Variants in PTPRG observed in about 807,000 individuals in gnomAD.
PTPRG encodes the protein protein tyrosine phosphatase receptor type G, also known as receptor-type tyrosine-protein phosphatase gamma.
PTPRG carries 102 observed loss-of-function variants against 165.3 expected under a neutral mutation model. The ratio of observed to expected loss-of-function variants is 0.62; its 90% CI spans 0.53 to 0.73. The LOEUF is 0.73. PTPRG is among the 30% of genes least tolerant of loss of function. The pLI is 0.00. For synonymous variants in PTPRG, 675 were observed against 669.5 expected (o/e 1.01, Z -0.13); for missense variants, 1,866 against 1,861.4 (o/e 1.00, Z -0.05).
intron 2 of PTPRG, among the ~76,000 whole-genome samples, chr3:61,837,987 T>G (rs912696239): frequency 7.2e-5 from 11 of 152,220 alleles, no homozygotes; most frequent in African/African-American, 2.4e-4. Context: ...CCGACACTTT[T>G]GCCCACATTT....
intron 1 of PTPRG, among the ~76,000 whole-genome samples, chr3:61,694,023 A>AGAG (rs1559560197): frequency 2.1e-5 from 3 of 144,104 alleles, no homozygotes; most frequent in African/African-American, 8.2e-5. Flanking sequence ...AAAAAAAAAA[A>AGAG]AAAGAGAGAG....
chr3:61,746,231 TTTTTTG>T (rs1232358419), intron 1 of PTPRG, among the ~76,000 whole-genome samples: 14 of 72,846 alleles, frequency 1.9e-4, no homozygotes, highest in Admixed American at 5.5e-4. Flanking sequence ...TTTTTTTTTT[TTTTTTG>T]AGACAGAATC....
chr3:61,822,399 T>G (rs975437777), intron 2 of PTPRG, among the ~76,000 whole-genome samples: 5 of 152,234 alleles, frequency 3.3e-5, no homozygotes, highest in South Asian at 2.1e-4. Flanking sequence ...TAACTATTTC[T>G]TTAATGAGGA....
intron 2 of PTPRG, among the ~76,000 whole-genome samples, chr3:61,893,082 C>G (rs756958677): frequency 6.6e-6 from 1 of 152,152 alleles, no homozygotes; most frequent in Non-Finnish European, 1.5e-5. Context: ...ACGTCATTAT[C>G]GTCGACTGCT....
chr3:61,664,892 TAGG>T (rs1222319957), intron 1 of PTPRG, among the ~76,000 whole-genome samples: 1 of 151,944 alleles, frequency 6.6e-6, no homozygotes, highest in Non-Finnish European at 1.5e-5. Flanking sequence ...TATTGAGTAG[TAGG>T]AAGTTTTTGT....
At chr3:62,269,970 T>C (rs1428921635) in intron 20 of PTPRG, among the ~76,000 whole-genome samples, 2 of 152,262 alleles carry the variant, frequency 1.3e-5, no homozygotes, top group East Asian at 1.9e-4. Context: ...AGAGTAACAA[T>C]ACTGAAATAG....
rs1362305511 is a variant in PTPRG at position 62,214,827 on chromosome 3, A to G, written c.2156-4024A>G. 6.6e-6 allele frequency among the ~76,000 whole-genome samples: 1 copy of G among 152,252 alleles called. No individual in the cohort carries two copies. The highest frequency in any genetic ancestry group is 6.5e-5 in the Admixed American group (1 of 15,292). On this transcript the variant is annotated intron_variant, in intron 12 of 29. Transcript: ENST00000474889. This position sits in a 1 kb window ranked among gnomAD's most constrained non-coding sequence, Gnocchi z 5.2. Reference sequence around the variant, plus strand: ...CCAAACTGGTTTAAGTTATTGGTTAAAAGTCACACAGAAAATGGCCAAGCC... The same window carrying G: ...CCAAACTGGTTTAAGTTATTGGTTAGAAGTCACACAGAAAATGGCCAAGCC...
chr3:61,563,878 A>G (rs191309232), intron 1 of PTPRG, among the ~76,000 whole-genome samples: 212 of 152,290 alleles, frequency 1.4e-3, no homozygotes, highest in African/African-American at 4.9e-3. Context: ...AGGGGCAGAA[A>G]GGGAAAACAC....
At chr3:61,688,653 G>A (rs577759976) in intron 1 of PTPRG, among the ~76,000 whole-genome samples, 2 of 152,306 alleles carry the variant, frequency 1.3e-5, no homozygotes, top group East Asian at 1.9e-4. Context: ...CCCACCACCC[G>A]CTAGTGTTTT....
intron 2 of PTPRG, among the ~76,000 whole-genome samples, chr3:61,923,057 A>G (rs2039118539): frequency 6.6e-6 from 1 of 152,114 alleles, no homozygotes; most frequent in South Asian, 2.1e-4. Context: ...TTGTTGTCTC[A>G]CACTCTCCAA....
intron 4 of PTPRG, among the ~76,000 whole-genome samples, chr3:62,049,529 C>G (rs962349132): frequency 6.7e-6 from 1 of 149,482 alleles, no homozygotes; most frequent in African/African-American, 2.5e-5. Context: ...CGGTAACTTT[C>G]CAAGTGGTGG....
chr3:62,155,658 C>CT (rs1704508278), intron 6 of PTPRG, among the ~76,000 whole-genome samples: 1 of 152,218 alleles, frequency 6.6e-6, no homozygotes, highest in Non-Finnish European at 1.5e-5. Context: ...TTCAACTAAT[C>CT]TTTTCCAAAA....
At chr3:61,728,388 C>G (rs1032051819) in intron 1 of PTPRG, among the ~76,000 whole-genome samples, 1 of 152,124 alleles carries the variant, frequency 6.6e-6, no homozygotes, top group South Asian at 2.1e-4. Flanking sequence ...TCAAGACCAG[C>G]CTGGTCAACA....
intron 2 of PTPRG, among the ~76,000 whole-genome samples, chr3:61,961,291 CTTG>C (rs1452324172): frequency 6.6e-6 from 1 of 152,132 alleles, no homozygotes; most frequent in South Asian, 2.1e-4. Flanking sequence ...TTCAGCTTTT[CTTG>C]TTGTTTCCAA....
At chr3:62,286,437 A>G (rs1462576770) in intron 28 of PTPRG, among the ~76,000 whole-genome samples, 2 of 152,150 alleles carry the variant, frequency 1.3e-5, no homozygotes, top group Non-Finnish European at 2.9e-5. Context: ...TTTAAAAACA[A>G]CGTATTAAAA....
chr3:61,673,080 G>A (rs1040443455), intron 1 of PTPRG, among the ~76,000 whole-genome samples: 15 of 152,200 alleles, frequency 9.9e-5, no homozygotes, highest in Non-Finnish European at 1.9e-4. Context: ...TGTATCACTC[G>A]AGCCTGGGAA....
intron 2 of PTPRG, among the ~76,000 whole-genome samples, chr3:61,948,611 T>C (rs2039822578): frequency 6.6e-6 from 1 of 151,976 alleles, no homozygotes; most frequent in African/African-American, 2.4e-5. Flanking sequence ...GATTCTGTAG[T>C]GGGAAAAGTA....
chr3:61,729,518 T>C (rs868422662), intron 1 of PTPRG, among the ~76,000 whole-genome samples: 1 of 152,234 alleles, frequency 6.6e-6, no homozygotes, highest in Non-Finnish European at 1.5e-5. Context: ...ATAGCAATCA[T>C]TTTCCCAGTC....
intron 5 of PTPRG, among the ~76,000 whole-genome samples, chr3:62,117,457 C>G (rs1192324427): frequency 1.3e-5 from 2 of 152,180 alleles, no homozygotes; most frequent in Admixed American, 1.3e-4. Context: ...ATTAACACAA[C>G]ACTTGTAAAA....
Sources: gnomAD v4.1 joint callset for allele counts (sites outside exome capture counted in the v4.1 genomes callset) on GRCh38, gnomAD v4.1.1 for gene constraint, Gnocchi (gnomAD v3.1) non-coding constraint, MANE v1.5 for transcripts, NCBI Gene and HGNC (gene_info 2026-07-23, HGNC 2026-07-21) for gene names.